The following CDK14 variants were observed in gnomAD, a reference collection of about 807,000 sequenced individuals.
CDK14 encodes the protein cyclin dependent kinase 14.
Under a neutral mutation model 60.7 loss-of-function variants are expected in CDK14, and 34 were observed. That is an observed-to-expected ratio of 0.56 (90% CI 0.43 to 0.75). CDK14 has a LOEUF of 0.75. Among genes scored for constraint, CDK14 ranks in the 30% least tolerant of loss-of-function variants. The pLI, the probability that CDK14 is intolerant of heterozygous loss-of-function variation, is 0.00. For missense variants in CDK14, 482 were observed against 564.1 expected, an observed-to-expected ratio of 0.85 and a Z score of 1.47; for synonymous variants, 197 against 203.7, an observed-to-expected ratio of 0.97 and a Z score of 0.28.
intron 10 of CDK14, among the ~76,000 whole-genome samples, chr7:91,027,262 A>G (rs1796600645): frequency 6.6e-6 from 1 of 152,250 alleles, no homozygotes; most frequent in Non-Finnish European, 1.5e-5. Flanking sequence ...GAGGAAGCTA[A>G]ATTAACATCA....
chr7:91,062,759 A>G (rs1584279152), intron 11 of CDK14, among the ~76,000 whole-genome samples: 1 of 151,456 alleles, frequency 6.6e-6, no homozygotes, highest in Non-Finnish European at 1.5e-5. Context: ...TCATGACACA[A>G]AAACAAACCA....
intron 2 of CDK14, 143 bp from the exon 3 acceptor site, chr7:90,726,424 T>G: frequency 8.2e-7 from 1 of 1,223,462 alleles, no homozygotes; most frequent in South Asian, 1.6e-5. Context: ...CTGTAATTTA[T>G]GCTGATGCAG....
chr7:90,646,612 T>C (rs1251338582), intron 2 of CDK14, among the ~76,000 whole-genome samples: 4 of 152,140 alleles, frequency 2.6e-5, no homozygotes, highest in Non-Finnish European at 1.5e-5. Context: ...TTTTAAAAAC[T>C]GCTTCCAGAC....
At chr7:90,961,818 G>A (rs1217722851) in intron 9 of CDK14, among the ~76,000 whole-genome samples, 1 of 152,190 alleles carries the variant, frequency 6.6e-6, no homozygotes, top group Non-Finnish European at 1.5e-5. Flanking sequence ...TTAAAATTAG[G>A]ATGACCCTGT....
intron 13 of CDK14, among the ~76,000 whole-genome samples, chr7:91,116,964 C>G (rs1799627274): frequency 1.3e-5 from 2 of 151,290 alleles, no homozygotes; most frequent in Admixed American, 6.6e-5. Context: ...ATGATCTCAT[C>G]CCATCTCATG....
intron 14 of CDK14, among the ~76,000 whole-genome samples, chr7:91,120,145 C>T (rs1228747781): frequency 3.9e-5 from 6 of 152,154 alleles, no homozygotes; most frequent in Admixed American, 3.9e-4. Context: ...CACATGCACA[C>T]AAGCAAGCCT....
intron 10 of CDK14, among the ~76,000 whole-genome samples, chr7:91,038,865 C>G (rs1485320424): frequency 6.6e-6 from 1 of 152,224 alleles, no homozygotes; most frequent in African/African-American, 2.4e-5. Context: ...TAAGATGTTA[C>G]TTGCTCCTCC....
At chr7:90,696,398 T>C (rs1230057438) in intron 2 of CDK14, among the ~76,000 whole-genome samples, 1 of 147,032 alleles carries the variant, frequency 6.8e-6, no homozygotes, top group Non-Finnish European at 1.5e-5. Context: ...TGGATTGCAA[T>C]GGCACAACCT....
intron 12 of CDK14, chr7:91,107,762 A>G (rs1799348338): frequency 6.6e-6 from 1 of 152,234 alleles, no homozygotes; most frequent in Admixed American, 6.5e-5. Flanking sequence ...CTTCCTAGAC[A>G]CCAGCAGTCA....
At chr7:91,202,703 A>C (rs1231991257) in intron 14 of CDK14, among the ~76,000 whole-genome samples, 1 of 152,216 alleles carries the variant, frequency 6.6e-6, no homozygotes, top group African/African-American at 2.4e-5. Flanking sequence ...GCTGGCTAAC[A>C]GCACCAGGCA....
At chr7:90,813,635 G>A (rs892805587) in intron 5 of CDK14, among the ~76,000 whole-genome samples, 1 of 152,100 alleles carries the variant, frequency 6.6e-6, no homozygotes, top group African/African-American at 2.4e-5. Context: ...TGTAATCCCA[G>A]CTACTTGGGA....
chr7:90,768,782 G>T (rs1804669332), intron 4 of CDK14, among the ~76,000 whole-genome samples: 2 of 152,118 alleles, frequency 1.3e-5, no homozygotes, highest in Non-Finnish European at 2.9e-5. Flanking sequence ...TAAAATCATG[G>T]TAAAACGAAG....
At chr7:90,824,315 A>G (rs1037167763) in intron 5 of CDK14, among the ~76,000 whole-genome samples, 3 of 152,188 alleles carry the variant, frequency 2.0e-5, no homozygotes, top group Non-Finnish European at 4.4e-5. Context: ...CAGGAGAAGA[A>G]TGTCACTTAC....
intron 5 of CDK14, among the ~76,000 whole-genome samples, chr7:90,853,520 A>C (rs1410901721): frequency 1.4e-5 from 2 of 139,332 alleles, no homozygotes; most frequent in East Asian, 3.9e-4. Flanking sequence ...ATACGTAAAC[A>C]CACAAACACA....
intron 14 of CDK14, among the ~76,000 whole-genome samples, chr7:91,139,569 T>G (rs968646808): frequency 6.6e-6 from 1 of 152,264 alleles, no homozygotes. Flanking sequence ...TAGCTCCACT[T>G]TAATCTGTTT....
chr7:91,064,024 G>T (rs1416375947), intron 11 of CDK14, among the ~76,000 whole-genome samples: 4 of 152,112 alleles, frequency 2.6e-5, no homozygotes, highest in African/African-American at 9.7e-5. Flanking sequence ...CTGAGGCATG[G>T]AATGATTAAG....
At chr7:91,091,063 T>C (rs1159143897) in intron 12 of CDK14, among the ~76,000 whole-genome samples, 1 of 151,812 alleles carries the variant, frequency 6.6e-6, no homozygotes, top group Non-Finnish European at 1.5e-5. Flanking sequence ...AGCGTAGGTT[T>C]GTATCATCCT....
intron 2 of CDK14, among the ~76,000 whole-genome samples, chr7:90,639,568 G>T (rs1014647102): frequency 6.6e-6 from 1 of 151,830 alleles, no homozygotes; most frequent in Non-Finnish European, 1.5e-5. Context: ...TAGGCTGCTC[G>T]GGGGTCAGGG....
At chr7:90,905,462 G>T (rs1017459347) in intron 7 of CDK14, among the ~76,000 whole-genome samples, 3 of 152,168 alleles carry the variant, frequency 2.0e-5, no homozygotes, top group Non-Finnish European at 1.5e-5. Context: ...TTATAGCTCA[G>T]CTGTAAATAA....
Sources: gnomAD v4.1 joint callset for allele counts (sites outside exome capture counted in the v4.1 genomes callset) on GRCh38, gnomAD v4.1.1 for gene constraint, MANE v1.5 for transcripts, NCBI Gene and HGNC (gene_info 2026-07-23, HGNC 2026-07-21) for gene names.